Variants in CADM2 observed in about 807,000 individuals in gnomAD.
The protein encoded by CADM2 is immunoglobulin superfamily member 4D.
In CADM2, 12 loss-of-function variants were observed where a neutral mutation model predicts 49.8. The ratio of observed to expected loss-of-function variants is 0.24; its 90% confidence interval spans 0.15 to 0.39. CADM2 has a LOEUF of 0.39. CADM2 is among the 10% of genes least tolerant of loss of function. The pLI, the probability that CADM2 is intolerant of heterozygous loss-of-function variation, is 1.00. For synonymous variants in CADM2, 214 were observed against 175.4 expected (o/e 1.22, Z -1.74); for missense variants, 378 against 492.3 (o/e 0.77, Z 2.20).
intron 1 of CADM2, among the ~76,000 whole-genome samples, chr3:85,273,856 G>A (rs1381093810): frequency 6.6e-6 from 1 of 151,396 alleles, no homozygotes; most frequent in African/African-American, 2.4e-5. Flanking sequence ...GAAATCCCAA[G>A]GGAGATGGAC....
At chr3:85,745,426 T>C (rs538115281) in intron 2 of CADM2, among the ~76,000 whole-genome samples, 2 of 151,972 alleles carry the variant, frequency 1.3e-5, no homozygotes, top group South Asian at 2.1e-4. Context: ...AAGGCTAAAG[T>C]TGGGGGTAGA....
At chr3:85,154,184 A>C (rs1390059454) in intron 1 of CADM2, among the ~76,000 whole-genome samples, 1 of 152,160 alleles carries the variant, frequency 6.6e-6, no homozygotes, top group Non-Finnish European at 1.5e-5. Context: ...GAAGTTGAAA[A>C]CTTTTTAAAA....
intron 1 of CADM2, among the ~76,000 whole-genome samples, chr3:85,406,020 G>A (rs1483497728): frequency 2.6e-5 from 4 of 151,906 alleles, no homozygotes; most frequent in African/African-American, 4.8e-5. Flanking sequence ...ATTATATATA[G>A]AGAAAAATTT....
intron 1 of CADM2, among the ~76,000 whole-genome samples, chr3:85,574,396 T>C (rs2107261472): frequency 6.6e-6 from 1 of 152,348 alleles, no homozygotes. Context: ...GCAAGTATGC[T>C]TTGCCTGTAG....
At chr3:85,999,938 G>A (rs1311486288) in intron 8 of CADM2, among the ~76,000 whole-genome samples, 1 of 152,118 alleles carries the variant, frequency 6.6e-6, no homozygotes, top group East Asian at 1.9e-4. Flanking sequence ...CATAAATTAA[G>A]CATTTTTAAA....
intron 1 of CADM2, among the ~76,000 whole-genome samples, chr3:85,718,199 T>C (rs985539265): frequency 6.6e-6 from 1 of 152,206 alleles, no homozygotes; most frequent in Non-Finnish European, 1.5e-5. Flanking sequence ...CCATTGAGAA[T>C]ATGGGGAATA....
intron 1 of CADM2, among the ~76,000 whole-genome samples, chr3:85,156,350 A>T (rs1488096652): frequency 6.6e-6 from 1 of 151,968 alleles, no homozygotes; most frequent in African/African-American, 2.4e-5. Context: ...AAACACCTCT[A>T]CACAAATAAA....
intron 1 of CADM2, among the ~76,000 whole-genome samples, chr3:85,716,302 C>T (rs1486743977): frequency 6.6e-6 from 1 of 152,162 alleles, no homozygotes; most frequent in African/African-American, 2.4e-5. Flanking sequence ...TGAATGTCTT[C>T]TTTGGAGAAA....
At chr3:85,155,849 A>G (rs2040094989) in intron 1 of CADM2, among the ~76,000 whole-genome samples, 1 of 152,216 alleles carries the variant, frequency 6.6e-6, no homozygotes. Flanking sequence ...TACTGGGTAC[A>G]TAACGAAATG....
chr3:84,981,610 T>C (rs2032185883), intron 1 of CADM2, among the ~76,000 whole-genome samples: 1 of 152,062 alleles, frequency 6.6e-6, no homozygotes, highest in African/African-American at 2.4e-5. Context: ...TGCCCACTTT[T>C]CCTTCCCTAT....
At chr3:85,507,497 C>A (rs552602282) in intron 1 of CADM2, among the ~76,000 whole-genome samples, 7 of 151,910 alleles carry the variant, frequency 4.6e-5, no homozygotes, top group Non-Finnish European at 1.0e-4. Context: ...CCTTTTTAAA[C>A]GACAACAAAA....
rs1295644398 is a variant in CADM2 at position 85,500,209 on chromosome 3, T to C, written c.62-226313T>C. ...GTTTGGTGAACAAAATTGCATTATTTATCCAGCGCTTCTTTAAACTTTTTG... is the reference window on the plus strand; with the variant it reads ...GTTTGGTGAACAAAATTGCATTATTCATCCAGCGCTTCTTTAAACTTTTTG... On this transcript the variant is annotated intron_variant, in intron 1 of 9. Coordinates refer to ENST00000383699, the MANE Select transcript of CADM2 (RefSeq NM_001167675.2). Among the ~76,000 whole-genome samples, 8 of 152,334 alleles carry C rather than the reference T, an allele frequency of 5.3e-5. No individual in the cohort carries two copies. The East Asian group carries it at 1.5e-3, about 29-fold the overall frequency.
intron 1 of CADM2, among the ~76,000 whole-genome samples, chr3:85,443,644 C>A (rs2037310607): frequency 1.3e-5 from 2 of 152,138 alleles, no homozygotes; most frequent in South Asian, 4.1e-4. Flanking sequence ...GTTTTCTACA[C>A]AACTGATTAA....
At chr3:85,328,645 A>G (rs865962749) in intron 1 of CADM2, among the ~76,000 whole-genome samples, 8 of 152,188 alleles carry the variant, frequency 5.3e-5, no homozygotes, top group African/African-American at 1.9e-4. Context: ...AGAAAGGTTT[A>G]AATTTTGGAT....
chr3:85,078,099 G>A (rs2037017293), intron 1 of CADM2, among the ~76,000 whole-genome samples: 1 of 151,944 alleles, frequency 6.6e-6, no homozygotes, highest in Non-Finnish European at 1.5e-5. Context: ...CAAAATAATG[G>A]TGCCAGTGAT....
chr3:85,567,209 C>A (rs184758256), intron 1 of CADM2, among the ~76,000 whole-genome samples: 4 of 152,260 alleles, frequency 2.6e-5, no homozygotes, highest in African/African-American at 9.6e-5. Flanking sequence ...GAAATATATT[C>A]TTGTTGTGTG....
intron 2 of CADM2, among the ~76,000 whole-genome samples, chr3:85,794,421 G>A (rs892758591): frequency 1.3e-5 from 2 of 152,130 alleles, no homozygotes; most frequent in Non-Finnish European, 2.9e-5. Flanking sequence ...TAAAAGATAA[G>A]TAAGATGTCT....
chr3:85,576,182 T>A (rs918216120), intron 1 of CADM2, among the ~76,000 whole-genome samples: 1 of 152,196 alleles, frequency 6.6e-6, no homozygotes. Context: ...AAACATTAAA[T>A]TTATGTCTTC....
intron 3 of CADM2, among the ~76,000 whole-genome samples, chr3:85,840,253 G>A (rs983391663): frequency 4.0e-5 from 6 of 151,718 alleles, no homozygotes; most frequent in African/African-American, 1.5e-4. Flanking sequence ...GTTGCAGCAA[G>A]TTTAATTAGT....
Sources: allele counts gnomAD v4.1 joint callset (sites outside exome capture counted in the v4.1 genomes callset), GRCh38; gene constraint gnomAD v4.1.1; transcripts MANE v1.5; gene names NCBI Gene and HGNC (gene_info 2026-07-23, HGNC 2026-07-21).